POLN: variants seen among roughly 807,000 people sequenced by gnomAD.
The protein encoded by POLN is DNA polymerase nu.
In POLN, 108 loss-of-function variants were observed where a neutral mutation model predicts 113.5. The ratio of observed to expected loss-of-function variants is 0.95; its 90% confidence interval spans 0.81 to 1.12. POLN has a LOEUF of 1.12. Among genes scored for constraint, POLN ranks in the 50% most tolerant of loss-of-function variants. POLN has a pLI of 0.00. For missense variants in POLN, 1,097 were observed against 1,077.1 expected, an observed-to-expected ratio of 1.02 and a Z score of -0.26; for synonymous variants, 386 against 391.5, an observed-to-expected ratio of 0.99 and a Z score of 0.17.
intron 6 of POLN, among the ~76,000 whole-genome samples, chr4:2,195,344 T>C (rs979808358): frequency 3.9e-5 from 6 of 152,130 alleles, no homozygotes; most frequent in Non-Finnish European, 7.4e-5. Flanking sequence ...TTCTTAGATA[T>C]TGGGGATACA....
chr4:2,147,066 T>C (rs1235353002), intron 16 of POLN, among the ~76,000 whole-genome samples: 1 of 152,202 alleles, frequency 6.6e-6, no homozygotes, highest in African/African-American at 2.4e-5. Context: ...AATATAGCTA[T>C]AACATTTTTA....
chr4:2,163,416 C>T (rs1435319212), intron 13 of POLN, among the ~76,000 whole-genome samples: 2 of 152,264 alleles, frequency 1.3e-5, no homozygotes, highest in African/African-American at 4.8e-5. Flanking sequence ...GAGAACACTG[C>T]TCGCACTAAC....
intron 20 of POLN, chr4:2,089,819 G>C: frequency 2.4e-6 from 2 of 843,888 alleles, no homozygotes; most frequent in Non-Finnish European, 3.9e-6. Flanking sequence ...GATGGATGAA[G>C]TCTCAACAAA....
At chr4:2,204,890 T>C (rs1202081425) in intron 5 of POLN, among the ~76,000 whole-genome samples, 1 of 152,176 alleles carries the variant, frequency 6.6e-6, no homozygotes, top group Non-Finnish European at 1.5e-5. Flanking sequence ...AAATCCAGCA[T>C]TGCTTTATTA....
intron 3 of POLN, among the ~76,000 whole-genome samples, chr4:2,213,719 A>G (rs996633574): frequency 6.6e-6 from 1 of 152,180 alleles, no homozygotes; most frequent in Non-Finnish European, 1.5e-5. Context: ...TAAAAACATT[A>G]TACTTAGGAT....
chr4:2,145,140 T>A (rs921863784), intron 16 of POLN, among the ~76,000 whole-genome samples: 2 of 152,030 alleles, frequency 1.3e-5, no homozygotes, highest in African/African-American at 4.8e-5. Context: ...TCCAAGGGAA[T>A]TAAAGACTCA....
At chr4:2,112,029 A>G (rs1383336782) in intron 19 of POLN, among the ~76,000 whole-genome samples, 19 of 152,370 alleles carry the variant, frequency 1.2e-4, no homozygotes, top group African/African-American at 4.6e-4. Context: ...TACTGGTACC[A>G]AAACAGAGAT....
At position 2,093,694 on chromosome 4, in the gene POLN, T is replaced by C. The variant is rs1401867787; in HGVS notation, c.2065+2157A>G. 6.6e-6 allele frequency among the ~76,000 whole-genome samples: 1 copy of C among 151,772 alleles called. No individual in the cohort carries two copies. The highest frequency in any genetic ancestry group is 1.5e-5 in the Non-Finnish European group (1 of 67,938). On this transcript the variant is annotated intron_variant, in intron 20 of 25. Coordinates refer to ENST00000511885, the MANE Select transcript of POLN (RefSeq NM_181808.4). This position sits in a 1 kb window ranked among gnomAD's most constrained non-coding sequence, Gnocchi z 4.1. The stretch of plus-strand genomic sequence containing the variant: ...CAGAGGCCCCAGGGAGGTTCAGGGG[T>C]GCAGCACAGAAGAGGCTGAGAGGAG...
At chr4:2,184,161 T>G (rs1415653128) in intron 7 of POLN, among the ~76,000 whole-genome samples, 1 of 151,018 alleles carries the variant, frequency 6.6e-6, no homozygotes, top group East Asian at 1.9e-4. Flanking sequence ...GCCAAAGTTT[T>G]TTTTTTTTTT....
intron 24 of POLN, among the ~76,000 whole-genome samples, chr4:2,073,519 A>C (rs980455212): frequency 6.6e-6 from 1 of 152,220 alleles, no homozygotes; most frequent in Non-Finnish European, 1.5e-5. Flanking sequence ...GTGAAGTTTG[A>C]GGCAACAGTG....
At chr4:2,101,089 A>G (rs1190219952) in intron 19 of POLN, among the ~76,000 whole-genome samples, 4 of 152,052 alleles carry the variant, frequency 2.6e-5, no homozygotes, top group Admixed American at 2.0e-4. Context: ...ATCAAATTAG[A>G]TCTTTGTTGC....
At position 2,126,484 on chromosome 4, in the gene POLN, G is replaced by A. The variant is rs1731582188; in HGVS notation, c.1982+1629C>T. ...TAGGGACGAGGGTGGATGAGGTCTC[G>A]GCCCCTGGGCGCTGTCGCTGCAGCA... On this transcript the variant is annotated intron_variant, in intron 19 of 25. Coordinates refer to ENST00000511885, the MANE Select transcript of POLN (RefSeq NM_181808.4). This position sits in a 1 kb window ranked among gnomAD's most constrained non-coding sequence, Gnocchi z 4.6. 6.6e-6 allele frequency among the ~76,000 whole-genome samples: 1 copy of A among 152,178 alleles called. No homozygotes were observed. Among genetic ancestry groups the A allele is most frequent in the African/African-American group, 2.4e-5 (1 of 41,446 alleles).
At chr4:2,158,005 G>T in intron 14 of POLN, 94 bp from the exon 15 acceptor site, 2 of 913,310 alleles carry the variant, frequency 2.2e-6, no homozygotes, top group Non-Finnish European at 3.3e-6. Context: ...AGGCTGGAGT[G>T]CAGTGGCGTG....
intron 19 of POLN, among the ~76,000 whole-genome samples, chr4:2,119,809 AG>A (rs1731400704): frequency 6.6e-6 from 1 of 152,168 alleles, no homozygotes; most frequent in African/African-American, 2.4e-5. Context: ...AACTAATTAT[AG>A]TATAAGTCAC....
At chr4:2,227,301 A>C (rs1734422891) in intron 3 of POLN, among the ~76,000 whole-genome samples, 1 of 152,156 alleles carries the variant, frequency 6.6e-6, no homozygotes, top group South Asian at 2.1e-4. Flanking sequence ...TCTACAAGAA[A>C]CTGAATTCTG....
chr4:2,232,221 T>C, intron 2 of POLN: 1 of 755,004 alleles, frequency 1.3e-6, no homozygotes, highest in South Asian at 2.2e-5. Context: ...AATTATAAAA[T>C]TAAAATATAA....
chr4:2,143,757 C>T (rs1732063295), intron 16 of POLN, among the ~76,000 whole-genome samples: 1 of 152,134 alleles, frequency 6.6e-6, no homozygotes, highest in African/African-American at 2.4e-5. Context: ...CATAAACATA[C>T]ACACAAAATC....
Position 2,128,114 on chromosome 4 carries a change from A to T in POLN, c.1981T>A (p.Trp661Arg). 1 of 1,568,174 alleles carries T rather than the reference A, an allele frequency of 6.4e-7. No homozygotes were observed. Among genetic ancestry groups the T allele is most frequent in the South Asian group, 1.1e-5 (1 of 90,052 alleles). The change falls in exon 19 of 26, where the codon TGG (tryptophan) becomes AGG (arginine). Residue 661 changes from tryptophan to arginine, a missense_variant and splice_region_variant. Transcript: ENST00000511885. ...DDVFSTLTSQ[W>R]KDVPVEQVTH... Reference sequence around the variant, plus strand: ...ATATTGTGAGTTCATATATCTTACCACTGTGAAGTCAGAGTAGAAAATACA... The same window carrying T: ...ATATTGTGAGTTCATATATCTTACCTCTGTGAAGTCAGAGTAGAAAATACA...
intron 16 of POLN, among the ~76,000 whole-genome samples, chr4:2,132,461 G>A (rs1731750942): frequency 6.6e-6 from 1 of 152,178 alleles, no homozygotes; most frequent in African/African-American, 2.4e-5. Context: ...GAAATTTAGT[G>A]AAAGACATAC....
Sources: allele counts gnomAD v4.1 joint callset (sites outside exome capture counted in the v4.1 genomes callset), GRCh38; gene constraint gnomAD v4.1.1; non-coding constraint Gnocchi (gnomAD v3.1); transcripts MANE v1.5; gene names NCBI Gene and HGNC (gene_info 2026-07-23, HGNC 2026-07-21).